MAGI1: variants seen among roughly 807,000 people sequenced by gnomAD.
MAGI1 encodes the protein membrane associated guanylate kinase, WW and PDZ domain containing 1.
Under a neutral mutation model 139.9 loss-of-function variants are expected in MAGI1, and 58 were observed. The ratio of observed to expected loss-of-function variants is 0.41; its 90% CI spans 0.34 to 0.52. MAGI1 has a LOEUF of 0.52. Among genes scored for constraint, MAGI1 ranks in the 20% least tolerant of loss-of-function variants. The pLI is 0.12. For synonymous variants in MAGI1, 812 were observed against 737.9 expected, an observed-to-expected ratio of 1.10 and a Z score of -1.63; for missense variants, 1,874 against 1,901.6, an observed-to-expected ratio of 0.99 and a Z score of 0.27.
chr3:65,714,654 G>A (rs908664978), intron 1 of MAGI1, among the ~76,000 whole-genome samples: 3 of 151,938 alleles, frequency 2.0e-5, no homozygotes, highest in Non-Finnish European at 2.9e-5. Flanking sequence ...AAAAAAAACC[G>A]AAGCCTGATA....
intron 7 of MAGI1, among the ~76,000 whole-genome samples, 184 bp downstream of exon 7, chr3:65,447,838 C>T (rs1948769240): frequency 6.6e-6 from 1 of 152,198 alleles, no homozygotes; most frequent in African/African-American, 2.4e-5. Context: ...TACAACTCCG[C>T]GTGATGCCTG....
At chr3:65,863,195 C>A (rs2059612184) in intron 1 of MAGI1, among the ~76,000 whole-genome samples, 1 of 152,226 alleles carries the variant, frequency 6.6e-6, no homozygotes, top group African/African-American at 2.4e-5. Flanking sequence ...CAAATACCAT[C>A]TCCTCTGAGG....
At chr3:65,808,268 A>T (rs1408690007) in intron 1 of MAGI1, among the ~76,000 whole-genome samples, 2 of 152,158 alleles carry the variant, frequency 1.3e-5, no homozygotes, top group African/African-American at 4.8e-5. Flanking sequence ...TACAGGCATG[A>T]GACATGGCGC....
intron 1 of MAGI1, among the ~76,000 whole-genome samples, chr3:65,858,930 G>C (rs940284894): frequency 3.9e-5 from 6 of 152,120 alleles, no homozygotes; most frequent in Non-Finnish European, 7.3e-5. Flanking sequence ...TCCACCATAA[G>C]TATAATTGGA....
chr3:66,014,719 C>A (rs573414043), intron 1 of MAGI1, among the ~76,000 whole-genome samples: 1 of 152,126 alleles, frequency 6.6e-6, no homozygotes, highest in South Asian at 2.1e-4. Flanking sequence ...ATTTCAAGAC[C>A]AAGAGTTAAT....
chr3:65,605,794 T>G (rs972151339), intron 2 of MAGI1, among the ~76,000 whole-genome samples: 2 of 152,178 alleles, frequency 1.3e-5, no homozygotes, highest in Admixed American at 1.3e-4. Flanking sequence ...ATAGGAAACA[T>G]ATCTCAATTG....
At chr3:65,845,652 A>G (rs1022461421) in intron 1 of MAGI1, among the ~76,000 whole-genome samples, 4 of 152,154 alleles carry the variant, frequency 2.6e-5, no homozygotes, top group Non-Finnish European at 5.9e-5. Flanking sequence ...CACCAATTTC[A>G]TGTCTTTGCT....
chr3:65,492,874 C>A (rs977258310), intron 3 of MAGI1, among the ~76,000 whole-genome samples: 8 of 151,926 alleles, frequency 5.3e-5, no homozygotes, highest in African/African-American at 1.9e-4. Context: ...GTCAGGAGAT[C>A]GAGACGATCC....
At chr3:65,775,300 T>C (rs2038284925) in intron 1 of MAGI1, among the ~76,000 whole-genome samples, 2 of 150,716 alleles carry the variant, frequency 1.3e-5, no homozygotes, top group African/African-American at 4.9e-5. Context: ...TACAAAAAAA[T>C]TTGCCAGGCA....
At chr3:65,848,327 G>C (rs1008934624) in intron 1 of MAGI1, among the ~76,000 whole-genome samples, 1 of 152,144 alleles carries the variant, frequency 6.6e-6, no homozygotes, top group Non-Finnish European at 1.5e-5. Flanking sequence ...AGAATGTTTC[G>C]TATCCTACGC....
At chr3:65,419,652 A>T (rs1946500565) in intron 12 of MAGI1, among the ~76,000 whole-genome samples, 1 of 152,166 alleles carries the variant, frequency 6.6e-6, no homozygotes, top group African/African-American at 2.4e-5. Flanking sequence ...TTACAGCTCA[A>T]GTCCTACCTG....
Position 65,357,020 on chromosome 3 carries a change from A to G in MAGI1, c.3747T>C (p.Asp1249=). Residue 1249 remains aspartate, a synonymous_variant, in exon 23 of 23, where the codon GAT becomes GAC. Transcript: ENST00000402939. The part of the protein sequence containing the change: ...HPSLESSYPP[D]LHKSSPHGEK... Reference sequence around the variant, plus strand: ...CCCCATGTGGTGATGATTTGTGAAGATCGGGTGGGTAACTGGACTCCAATG... The same window carrying G: ...CCCCATGTGGTGATGATTTGTGAAGGTCGGGTGGGTAACTGGACTCCAATG... 1 of 1,614,064 alleles carries G rather than the reference A, an allele frequency of 6.2e-7. No individual in the cohort carries two copies. The highest frequency in any genetic ancestry group is 8.5e-7 in the Non-Finnish European group (1 of 1,180,018).
chr3:65,509,658 CACGGAATCTCGCTGATTGCT>C (rs566198814), intron 2 of MAGI1, among the ~76,000 whole-genome samples: 3 of 152,182 alleles, frequency 2.0e-5, no homozygotes, highest in Non-Finnish European at 2.9e-5. Flanking sequence ...GTCCTACGCC[CACGGAATCTCGCTGATTGCT>C]AGCACAGCAG....
chr3:65,848,612 G>C (rs1200959630), intron 1 of MAGI1, among the ~76,000 whole-genome samples: 1 of 150,770 alleles, frequency 6.6e-6, no homozygotes, highest in East Asian at 1.9e-4. Context: ...TCTAAGCTGA[G>C]AGTTTTCACT....
At chr3:65,633,310 G>A (rs567036929) in intron 1 of MAGI1, among the ~76,000 whole-genome samples, 6 of 152,222 alleles carry the variant, frequency 3.9e-5, no homozygotes, top group South Asian at 2.1e-4. Context: ...GCTATTCCCC[G>A]AGTGGTACAA....
chr3:65,921,444 G>A (rs561901063), intron 1 of MAGI1, among the ~76,000 whole-genome samples: 4 of 151,950 alleles, frequency 2.6e-5, no homozygotes, highest in Middle Eastern at 3.4e-3. Flanking sequence ...GAGTAGCTGG[G>A]ACTACAGATA....
intron 1 of MAGI1, among the ~76,000 whole-genome samples, chr3:65,740,772 T>C (rs917583839): frequency 1.3e-5 from 2 of 152,208 alleles, no homozygotes; most frequent in African/African-American, 4.8e-5. Flanking sequence ...AAAAAATACA[T>C]ATTAAGATTT....
chr3:66,006,433 A>T (rs1237820724), intron 1 of MAGI1, among the ~76,000 whole-genome samples: 1 of 152,168 alleles, frequency 6.6e-6, no homozygotes, highest in African/African-American at 2.4e-5. Flanking sequence ...ATATATACAC[A>T]CATATAGGTA....
At chr3:65,562,360 A>T (rs756329591) in intron 2 of MAGI1, among the ~76,000 whole-genome samples, 1 of 152,250 alleles carries the variant, frequency 6.6e-6, no homozygotes, top group Non-Finnish European at 1.5e-5. Flanking sequence ...TGTAGAATGC[A>T]TTTTGAATTC....
Sources: gnomAD v4.1 joint callset for allele counts (sites outside exome capture counted in the v4.1 genomes callset) on GRCh38, gnomAD v4.1.1 for gene constraint, MANE v1.5 for transcripts, NCBI Gene and HGNC (gene_info 2026-07-23, HGNC 2026-07-21) for gene names.